The following ZFHX3 variants were observed in gnomAD, a reference collection of about 807,000 sequenced individuals.
ZFHX3 encodes zinc finger homeobox protein 3.
ZFHX3 carries 42 observed loss-of-function variants against 279.1 expected under a neutral mutation model. That is an observed-to-expected ratio of 0.15 (90% CI 0.12 to 0.19). The LOEUF is 0.19. Ranked by LOEUF, ZFHX3 falls within the 10% of genes least tolerant of loss-of-function variation. ZFHX3 has a pLI of 1.00. For synonymous variants in ZFHX3, 2,293 were observed against 1,957.8 expected, an observed-to-expected ratio of 1.17 and a Z score of -4.52; for missense variants, 4,981 against 4,754.0, an observed-to-expected ratio of 1.05 and a Z score of -1.40.
chr16:72,802,134 TCTAA>T (rs1490538328), intron 7 of ZFHX3, among the ~76,000 whole-genome samples: 33 of 152,150 alleles, frequency 2.2e-4, no homozygotes, highest in Admixed American at 2.2e-3. Flanking sequence ...AGACATCCCC[TCTAA>T]CAGACTCAGT....
At chr16:73,765,594 G>A (rs537251322) in intron 1 of ZFHX3, among the ~76,000 whole-genome samples, 1 of 152,316 alleles carries the variant, frequency 6.6e-6, no homozygotes, top group South Asian at 2.1e-4. Context: ...ACTTGAGTCA[G>A]TTACATATTC....
At chr16:73,798,340 G>C (rs1001551802) in intron 1 of ZFHX3, among the ~76,000 whole-genome samples, 2 of 151,862 alleles carry the variant, frequency 1.3e-5, no homozygotes, top group African/African-American at 4.8e-5. Flanking sequence ...GGAAAGGTGA[G>C]ACCTTGAGGG....
At chr16:73,801,641 G>T (rs1960149209) in intron 1 of ZFHX3, among the ~76,000 whole-genome samples, 1 of 152,208 alleles carries the variant, frequency 6.6e-6, no homozygotes. Flanking sequence ...AAGTGCAGAA[G>T]TCCAGACCCT....
At chr16:73,860,049 T>C (rs1961839989) in intron 1 of ZFHX3, among the ~76,000 whole-genome samples, 2 of 152,228 alleles carry the variant, frequency 1.3e-5, no homozygotes, top group Non-Finnish European at 2.9e-5. Flanking sequence ...TTTTCACTTT[T>C]GTTTAAAGAT....
chr16:73,484,684 C>A (rs911636281), intron 2 of ZFHX3, among the ~76,000 whole-genome samples: 1 of 152,222 alleles, frequency 6.6e-6, no homozygotes, highest in African/African-American at 2.4e-5. Flanking sequence ...CCAAAGCATT[C>A]TCTCCTTTAA....
chr16:73,324,074 G>C (rs1355045777), intron 3 of ZFHX3, among the ~76,000 whole-genome samples: 1 of 152,200 alleles, frequency 6.6e-6, no homozygotes, highest in Non-Finnish European at 1.5e-5. Flanking sequence ...AAAGGAACTA[G>C]AGTAGCTGAC....
At chr16:73,062,353 T>C (rs1965694259), upstream of ZFHX3, 1 of 152,202 alleles carries the variant, frequency 6.6e-6, no homozygotes, top group African/African-American at 2.4e-5. Flanking sequence ...TATGTGAATA[T>C]ATCTGTGCAC....
chr16:73,825,479 C>T (rs1283044384), intron 1 of ZFHX3, among the ~76,000 whole-genome samples: 4 of 130,596 alleles, frequency 3.1e-5, no homozygotes, highest in East Asian at 4.1e-4. Flanking sequence ...TCCTTGCCCA[C>T]GCCTATGTCC....
chr16:72,941,768 C>T (rs549555095), intron 3 of ZFHX3, among the ~76,000 whole-genome samples: 17 of 152,110 alleles, frequency 1.1e-4, no homozygotes, highest in Non-Finnish European at 2.2e-4. Flanking sequence ...TCCCAAGTCA[C>T]CACCCTAATG....
chr16:73,519,610 T>C (rs2019578934), intron 2 of ZFHX3, among the ~76,000 whole-genome samples: 1 of 152,190 alleles, frequency 6.6e-6, no homozygotes, highest in South Asian at 2.1e-4. Flanking sequence ...CCCTGGTTCT[T>C]CCTGGTCACA....
intron 2 of ZFHX3, chr16:73,504,347 A>G (rs759271314): frequency 1.3e-5 from 2 of 152,160 alleles, no homozygotes; most frequent in Non-Finnish European, 2.9e-5. Flanking sequence ...GAAAACCAAA[A>G]ACGTCAATTG....
intron 1 of ZFHX3, among the ~76,000 whole-genome samples, chr16:73,037,855 T>C (rs1964967797): frequency 6.6e-6 from 1 of 151,078 alleles, no homozygotes; most frequent in South Asian, 2.1e-4. Flanking sequence ...CCGGTTAAGC[T>C]ATAGAGCCAG....
chr16:73,193,092 A>G (rs571156755), intron 5 of ZFHX3, among the ~76,000 whole-genome samples: 1 of 152,220 alleles, frequency 6.6e-6, no homozygotes, highest in Non-Finnish European at 1.5e-5. Flanking sequence ...TGCCCTCTGC[A>G]GGAAAGGTGG....
At chr16:73,034,043 T>C (rs1471395842) in intron 1 of ZFHX3, among the ~76,000 whole-genome samples, 2 of 151,460 alleles carry the variant, frequency 1.3e-5, no homozygotes. Flanking sequence ...AAGGCTGAAA[T>C]CATTTAGTTT....
intron 8 of ZFHX3, among the ~76,000 whole-genome samples, chr16:73,069,300 T>C (rs1311306462): frequency 6.6e-6 from 1 of 152,182 alleles, no homozygotes; most frequent in Admixed American, 6.5e-5. Flanking sequence ...GCATACTGAC[T>C]GGCCTCTCAC....
intron 1 of ZFHX3, among the ~76,000 whole-genome samples, chr16:72,965,802 T>G (rs1183282411): frequency 2.0e-5 from 3 of 152,240 alleles, no homozygotes; most frequent in African/African-American, 7.2e-5. Context: ...AAGTTCTTCA[T>G]AGTTTTCAAA....
rs1332687082 is a variant in ZFHX3, at chr16:72,959,259, G to A, written c.887C>T (p.Ser296Leu). 1.9e-6 allele frequency: 3 copies of A among 1,614,198 alleles called. No homozygotes were observed. The highest frequency in any genetic ancestry group is 2.2e-5 in the East Asian group (1 of 44,882). Residue 296 changes from serine (S) to leucine (L), a missense_variant, in exon 2 of 10, where the codon TCG (serine) becomes TTG (leucine). Physicochemically the swap from Ser to Leu is moderately radical, Grantham distance 145. Coordinates refer to ENST00000268489, the MANE Select transcript of ZFHX3 (RefSeq NM_006885.4). ...LCKLSFGYVR[S>L]FVTHAVHDHR... ...GTCATGCACCGCGTGGGTCACAAAC[G>A]AACGGACGTACCCAAAGGAGAGTTT...
intron 5 of ZFHX3, among the ~76,000 whole-genome samples, chr16:73,242,635 C>T (rs1320128467): frequency 6.6e-6 from 1 of 152,192 alleles, no homozygotes; most frequent in Non-Finnish European, 1.5e-5. Context: ...TAGCAATTTG[C>T]AAGATGCTCC....
intron 3 of ZFHX3, among the ~76,000 whole-genome samples, chr16:73,347,252 C>G (rs1284672864): frequency 6.6e-6 from 1 of 152,240 alleles, no homozygotes; most frequent in African/African-American, 2.4e-5. Flanking sequence ...CACAACCATT[C>G]CTTTTACTGG....
Sources: allele counts gnomAD v4.1 joint callset (sites outside exome capture counted in the v4.1 genomes callset), GRCh38; gene constraint gnomAD v4.1.1; transcripts MANE v1.5; gene names NCBI Gene and HGNC (gene_info 2026-07-23, HGNC 2026-07-21).